SPDYA: variants seen among roughly 807,000 people sequenced by gnomAD.
SPDYA encodes the protein speedy protein A.
Under a neutral mutation model 36.7 loss-of-function variants are expected in SPDYA, and 11 were observed. The ratio of observed to expected loss-of-function variants is 0.30; its 90% confidence interval spans 0.19 to 0.50. SPDYA has a LOEUF of 0.50. Ranked by LOEUF, SPDYA falls within the 20% of genes least tolerant of loss-of-function variation. The pLI is 0.98. For missense variants in SPDYA, 287 were observed against 370.9 expected (o/e 0.77, Z 1.86); for synonymous variants, 115 against 118.7 (o/e 0.97, Z 0.20).
At chr2:28,818,195 A>G (rs916659430) in intron 3 of SPDYA, among the ~76,000 whole-genome samples, 11 of 152,118 alleles carry the variant, frequency 7.2e-5, no homozygotes, top group African/African-American at 2.7e-4. Context: ...GCAAGGCAGA[A>G]ATTCTTATTC....
chr2:28,844,189 A>G lies in SPDYA; in HGVS notation c.850+3720A>G, dbSNP rs540304520. On this transcript the variant is annotated intron_variant, in intron 7 of 7. Transcript: ENST00000334056. ...AGGGCATATAAGTTAATAATGTGAT[A>G]AGGGCTGTGCTAAGTATATGATCAA... 4.6e-5 allele frequency among the ~76,000 whole-genome samples: 7 copies of G among 152,362 alleles called. No homozygotes were observed. In the South Asian group the frequency reaches 1.4e-3, roughly 32 times the overall value.
chr2:28,834,616 T>C (rs1042335809), intron 6 of SPDYA, among the ~76,000 whole-genome samples: 2 of 152,208 alleles, frequency 1.3e-5, no homozygotes, highest in African/African-American at 4.8e-5. Context: ...AAGAAGCCTG[T>C]CACAAAGGAC....
At chr2:28,830,955 T>C (rs979498365) in intron 6 of SPDYA, among the ~76,000 whole-genome samples, 3 of 152,212 alleles carry the variant, frequency 2.0e-5, no homozygotes, top group African/African-American at 7.2e-5. Flanking sequence ...TAAATGTTGA[T>C]ATACTTGCAA....
At position 28,844,406 on chromosome 2, in the gene SPDYA, A is replaced by G. The variant is rs138833253; in HGVS notation, c.850+3937A>G. On this transcript the variant is annotated intron_variant, in intron 7 of 7. Transcript: ENST00000334056. ...TCCTTGACTTACCTATGGTTGCTAT[A>G]CACATTCAGTGGAAAGCTGTATCAT... 6.1e-3 allele frequency among the ~76,000 whole-genome samples: 930 copies of G among 152,304 alleles called. 8 individuals carry two copies. Among genetic ancestry groups the G allele is most frequent in the African/African-American group, 0.021 (866 of 41,562 alleles).
intron 5 of SPDYA, among the ~76,000 whole-genome samples, chr2:28,826,009 A>C (rs1668307385): frequency 6.6e-6 from 1 of 152,102 alleles, no homozygotes; most frequent in African/African-American, 2.4e-5. Flanking sequence ...CTGGAATTAC[A>C]GGCATGAGCT....
At chr2:28,846,023 C>T (rs1668865061) in intron 7 of SPDYA, among the ~76,000 whole-genome samples, 1 of 152,142 alleles carries the variant, frequency 6.6e-6, no homozygotes, top group African/African-American at 2.4e-5. Flanking sequence ...ATATGAAGTT[C>T]AAAATGAAAG....
rs780071280 is a variant in SPDYA, at chr2:28,849,872, TAAAGG to T, written c.878_882del (p.Gly293GlufsTer3). The stretch of plus-strand genomic sequence containing the variant: ...CAGTAGTCAATGACCATCAATCAAA[TAAAGG>T]AAAGAAAACTAATTTCTTGAAGAAA... On this transcript the variant is annotated frameshift_variant, in exon 8 of 8. Coordinates refer to ENST00000334056, the MANE Select transcript of SPDYA (RefSeq NM_182756.4). LOFTEE classifies it high-confidence loss of function. 3 of 1,579,816 alleles carry T rather than the reference TAAAGG, an allele frequency of 1.9e-6. No homozygotes were observed. Among genetic ancestry groups the T allele is most frequent in the East Asian group, 4.5e-5 (2 of 44,248 alleles).
chr2:28,812,066 C>A (rs543787666), intron 1 of SPDYA, among the ~76,000 whole-genome samples: 1 of 152,166 alleles, frequency 6.6e-6, no homozygotes, highest in Non-Finnish European at 1.5e-5. Context: ...GATGTCAGTT[C>A]TGCATTCAAA....
intron 6 of SPDYA, among the ~76,000 whole-genome samples, chr2:28,834,813 A>G (rs1016715904): frequency 3.3e-4 from 50 of 152,320 alleles, no homozygotes; most frequent in African/African-American, 1.2e-3. Context: ...AATATATTGA[A>G]TATCATTGAA....
Position 28,840,486 on chromosome 2 carries a change from T to G in SPDYA, c.850+17T>G, listed in dbSNP as rs1418779698. On this transcript the variant is annotated intron_variant, in intron 7 of 7. Coordinates refer to ENST00000334056, the MANE Select transcript of SPDYA (RefSeq NM_182756.4). ...GTTCTGAAGGTATGATTTAGTAATA[T>G]GCCAGAATTAGATTTATGCATGTTG... 3.1e-6 allele frequency: 5 copies of G among 1,611,122 alleles called. No homozygotes were observed. In the East Asian group the frequency reaches 1.1e-4, roughly 36 times the overall value.
At chr2:28,840,492 A>C in intron 7 of SPDYA, 23 bp downstream of exon 7, 1 of 1,609,780 alleles carries the variant, frequency 6.2e-7, no homozygotes, top group Non-Finnish European at 8.5e-7. Flanking sequence ...AATATGCCAG[A>C]ATTAGATTTA....
At chr2:28,844,078 T>G (rs1346190416) in intron 7 of SPDYA, among the ~76,000 whole-genome samples, 1 of 152,216 alleles carries the variant, frequency 6.6e-6, no homozygotes, top group African/African-American at 2.4e-5. Context: ...AATAAATCCT[T>G]CTTTGAATTT....
At chr2:28,839,668 A>T (rs1278167297) in intron 6 of SPDYA, among the ~76,000 whole-genome samples, 1 of 151,800 alleles carries the variant, frequency 6.6e-6, no homozygotes, top group Non-Finnish European at 1.5e-5. Flanking sequence ...CGCCCGGCTA[A>T]TTTTTTTGTA....
At chr2:28,814,739 C>T (rs1667942541) in intron 2 of SPDYA, 53 bp downstream of exon 2, 1 of 152,102 alleles carries the variant, frequency 6.6e-6, no homozygotes, top group Non-Finnish European at 1.5e-5. Flanking sequence ...TCAGTAGGGT[C>T]CTAGAGTAGT....
intron 5 of SPDYA, 126 bp from the exon 6 acceptor site, chr2:28,829,022 C>A (rs1668408152): frequency 2.8e-6 from 2 of 719,086 alleles, no homozygotes; most frequent in East Asian, 5.6e-5. Context: ...TTTTGAACTG[C>A]ATTTCTTTAA....
At chr2:28,829,886 G>A (rs1445936682) in intron 6 of SPDYA, among the ~76,000 whole-genome samples, 3 of 149,030 alleles carry the variant, frequency 2.0e-5, no homozygotes, top group Admixed American at 1.3e-4. Context: ...GGAGCTTGCA[G>A]TGAGCAGAGA....
rs1221245972 is a variant in SPDYA, at chr2:28,813,709, G to A, written c.-92-904G>A. On this transcript the variant is annotated intron_variant, in intron 1 of 7. Transcript: ENST00000334056. ...TGGGACTACAGGCGCCTGCCACCAT[G>A]CCCAGCTAATTTTTGTATTTTTAGT... Among the ~76,000 whole-genome samples, 3 of 152,110 alleles carry A rather than the reference G, an allele frequency of 2.0e-5. No homozygotes were observed. The East Asian group carries it at 5.8e-4, about 29-fold the overall frequency.
rs772729439 is a variant in SPDYA, at chr2:28,840,342, A to T, written c.723A>T (p.Gly241=). The change falls in exon 7 of 8, where the codon GGA becomes GGT. Residue 241 remains glycine (G), a synonymous_variant. Coordinates refer to ENST00000334056, the MANE Select transcript of SPDYA (RefSeq NM_182756.4). Reference sequence around the variant, plus strand: ...AAAAAAGAAGATATGTTAGACTGGGATTGTCTTCATCATCATCTTTATCCA... The same window carrying T: ...AAAAAAGAAGATATGTTAGACTGGGTTTGTCTTCATCATCATCTTTATCCA... The part of the protein sequence containing the change: ...CGKKRRYVRL[G]LSSSSSLSSH... The T allele has an allele frequency of 1.2e-6, 2 of 1,611,094 alleles. No homozygotes were observed. The highest frequency in any genetic ancestry group is 1.7e-6 in the Non-Finnish European group (2 of 1,178,622).
At chr2:28,830,029 C>T in intron 6 of SPDYA, among the ~76,000 whole-genome samples, 1 of 149,716 alleles carries the variant, frequency 6.7e-6, no homozygotes, top group Non-Finnish European at 1.5e-5. Flanking sequence ...ATCCCAGCTA[C>T]TTGGGAGGCT....
Sources: allele counts gnomAD v4.1 joint callset (sites outside exome capture counted in the v4.1 genomes callset), GRCh38; gene constraint gnomAD v4.1.1; transcripts MANE v1.5; gene names NCBI Gene and HGNC (gene_info 2026-07-23, HGNC 2026-07-21).